CLIP1: variants seen among roughly 807,000 people sequenced by gnomAD.
CLIP1 encodes the protein CAP-Gly domain-containing linker protein 1.
In CLIP1, 66 loss-of-function variants were observed where a neutral mutation model predicts 161.6. That is an observed-to-expected ratio of 0.41 (90% confidence interval 0.33 to 0.50). The LOEUF is 0.50. CLIP1 is among the 20% of genes least tolerant of loss of function. The pLI is 0.27. For missense variants in CLIP1, 1,376 were observed against 1,702.0 expected, an observed-to-expected ratio of 0.81 and a Z score of 3.37; for synonymous variants, 598 against 626.2, an observed-to-expected ratio of 0.96 and a Z score of 0.67.
At chr12:122,300,014 T>C (rs908421990) in intron 20 of CLIP1, among the ~76,000 whole-genome samples, 9 of 152,174 alleles carry the variant, frequency 5.9e-5, no homozygotes, top group Non-Finnish European at 1.0e-4. Flanking sequence ...TCCCAGCACT[T>C]TGGGAGGCTA....
intron 10 of CLIP1, among the ~76,000 whole-genome samples, chr12:122,344,441 G>GA (rs11385320): frequency 0.65 from 97,081 of 150,062 alleles, 31,736 homozygotes; most frequent in African/African-American, 0.7. Context: ...CTAAATAAAA[G>GA]AAAAAAAAAC....
In CLIP1 at chr12:122,397,954, C is replaced by CA. The variant is rs1161694176; in HGVS notation, c.-106-17397dup. On this transcript the variant is annotated intron_variant, in intron 1 of 25. Coordinates refer to ENST00000620786, the MANE Select transcript of CLIP1 (RefSeq NM_001247997.2). ...TGGGCAACAGAGTGAGACGCCGTCT[C>CA]AAAAAAAAACAAAAAAAAAAGAAAA... Among the ~76,000 whole-genome samples, 80 of 83,206 alleles carry CA rather than the reference C, an allele frequency of 9.6e-4. 1 individual carries two copies. The highest frequency in any genetic ancestry group is 1.4e-3 in the African/African-American group (41 of 28,928). The allele number at this position is 83,206 out of a possible 152,430, so 54.6% of individuals were successfully genotyped here.
intron 5 of CLIP1, among the ~76,000 whole-genome samples, chr12:122,358,402 CCCCCTCTGCG>C (rs1198671014): frequency 2.0e-5 from 3 of 150,676 alleles, no homozygotes; most frequent in South Asian, 4.2e-4. Flanking sequence ...CCTGCCAAAT[CCCCCTCTGCG>C]AGAAACACCC....
At chr12:122,416,191 A>C (rs1046545223) in intron 1 of CLIP1, among the ~76,000 whole-genome samples, 1 of 152,100 alleles carries the variant, frequency 6.6e-6, no homozygotes. Flanking sequence ...GAGCCAAGAT[A>C]GCGCCACTGC....
chr12:122,372,589 T>TAA (rs879359730), intron 3 of CLIP1, among the ~76,000 whole-genome samples: 1 of 136,958 alleles, frequency 7.3e-6, no homozygotes. Context: ...CCATCTTGAT[T>TAA]AAAAAAAAAA....
Position 122,310,516 on chromosome 12 carries a change from AATAAAAATATAATACAG to A in CLIP1, c.3474-651_3474-635del, listed in dbSNP as rs534487674. ...TGCTAATTTATAATTGAAAGAAGCA[AATAAAAATATAATACAG>A]ACTGCTAACTTATACCGTGAATATC... On this transcript the variant is annotated intron_variant, in intron 19 of 25. Coordinates refer to ENST00000620786, the MANE Select transcript of CLIP1 (RefSeq NM_001247997.2). Among the ~76,000 whole-genome samples, 244 of 152,350 alleles carry A rather than the reference AATAAAAATATAATACAG, an allele frequency of 1.6e-3. 5 individuals carry two copies. The South Asian group carries it at 0.033, about 21-fold the overall frequency.
chr12:122,374,476 A>G (rs77243389), intron 3 of CLIP1, among the ~76,000 whole-genome samples: 1 of 151,280 alleles, frequency 6.6e-6, no homozygotes, highest in African/African-American at 2.4e-5. Context: ...AAAAAAAAAA[A>G]TTAGCAGCCA....
chr12:122,378,669 T>G (rs567178602), intron 2 of CLIP1, among the ~76,000 whole-genome samples: 1 of 152,264 alleles, frequency 6.6e-6, no homozygotes, highest in African/African-American at 2.4e-5. Flanking sequence ...ATAGCACTAC[T>G]CCACAATTGA....
At chr12:122,412,763 A>C (rs112057115) in intron 1 of CLIP1, among the ~76,000 whole-genome samples, 2 of 152,180 alleles carry the variant, frequency 1.3e-5, no homozygotes, top group Non-Finnish European at 2.9e-5. Flanking sequence ...TATCTATGCA[A>C]ATTTTATAAT....
intron 20 of CLIP1, among the ~76,000 whole-genome samples, chr12:122,294,440 T>C (rs2136349687): frequency 6.6e-6 from 1 of 150,826 alleles, no homozygotes; most frequent in East Asian, 2.0e-4. Flanking sequence ...ACAACATGGA[T>C]AGACCTCCAA....
At chr12:122,303,536 G>A (rs975765668) in intron 20 of CLIP1, among the ~76,000 whole-genome samples, 1 of 152,110 alleles carries the variant, frequency 6.6e-6, no homozygotes, top group African/African-American at 2.4e-5. Context: ...GATAGTTGAG[G>A]CTACACATAG....
intron 20 of CLIP1, among the ~76,000 whole-genome samples, chr12:122,291,824 C>T (rs1227467497): frequency 6.6e-6 from 1 of 152,068 alleles, no homozygotes; most frequent in Non-Finnish European, 1.5e-5. Context: ...ACGTAAATAT[C>T]CTGTTATTCA....
At chr12:122,330,844 G>T (rs1023576410) in intron 15 of CLIP1, among the ~76,000 whole-genome samples, 2 of 151,216 alleles carry the variant, frequency 1.3e-5, no homozygotes, top group Non-Finnish European at 2.9e-5. Context: ...CTCGTGATCC[G>T]CCTGCCTCAG....
chr12:122,376,233 G>A (rs1016497364), intron 3 of CLIP1, among the ~76,000 whole-genome samples: 4 of 151,860 alleles, frequency 2.6e-5, no homozygotes, highest in East Asian at 3.9e-4. Flanking sequence ...CACCCCGCCC[G>A]GCCAATTATT....
At chr12:122,392,331 T>C (rs1172784512) in intron 1 of CLIP1, among the ~76,000 whole-genome samples, 2 of 152,240 alleles carry the variant, frequency 1.3e-5, no homozygotes, top group East Asian at 3.9e-4. Context: ...TTCAAGACCA[T>C]AGCCTTCTCA....
At chr12:122,294,219 C>A (rs971144686) in intron 20 of CLIP1, among the ~76,000 whole-genome samples, 4 of 149,618 alleles carry the variant, frequency 2.7e-5, no homozygotes, top group African/African-American at 7.4e-5. Flanking sequence ...GTCCCAGCTA[C>A]TTGGGAGGCT....
At chr12:122,357,506 T>TG (rs201478131) in intron 5 of CLIP1, among the ~76,000 whole-genome samples, 4 of 141,100 alleles carry the variant, frequency 2.8e-5, no homozygotes, top group African/African-American at 1.1e-4. Flanking sequence ...AGGAGGGAGG[T>TG]GGGGGGGGTC....
intron 12 of CLIP1, 62 bp downstream of exon 12, chr12:122,336,570 G>T: frequency 1.2e-6 from 1 of 840,164 alleles, no homozygotes; most frequent in Non-Finnish European, 2.0e-6. Flanking sequence ...TCTTACTGGA[G>T]GATTTTTTAA....
intron 19 of CLIP1, among the ~76,000 whole-genome samples, chr12:122,314,835 CTT>C (rs914195941): frequency 2.7e-4 from 41 of 152,302 alleles, no homozygotes; most frequent in African/African-American, 8.7e-4. Flanking sequence ...CAACAAATGA[CTT>C]TGTTTTTCCT....
Sources: gnomAD v4.1 joint callset for allele counts (sites outside exome capture counted in the v4.1 genomes callset) on GRCh38, gnomAD v4.1.1 for gene constraint, MANE v1.5 for transcripts, NCBI Gene and HGNC (gene_info 2026-07-23, HGNC 2026-07-21) for gene names.